The following CDH4 variants were observed in gnomAD, a reference collection of about 807,000 sequenced individuals.
CDH4 encodes cadherin-4.
In CDH4, 33 loss-of-function variants were observed where a neutral mutation model predicts 86.0. The ratio of observed to expected loss-of-function variants is 0.38; its 90% CI spans 0.29 to 0.51. The LOEUF (loss-of-function observed/expected upper bound fraction) is 0.51, where lower values mean the gene tolerates loss of function less well. CDH4 is among the 20% of genes least tolerant of loss of function. The pLI, the probability that CDH4 is intolerant of heterozygous loss-of-function variation, is 0.86. For synonymous variants in CDH4, 555 were observed against 549.4 expected (o/e 1.01, Z -0.14); for missense variants, 1,114 against 1,307.4 (o/e 0.85, Z 2.28).
chr20:61,685,626 T>C (rs2087565346), intron 2 of CDH4, among the ~76,000 whole-genome samples: 1 of 152,230 alleles, frequency 6.6e-6, no homozygotes, highest in Non-Finnish European at 1.5e-5. Context: ...GCCTGGTCAC[T>C]CAGCCTCTGT....
intron 2 of CDH4, among the ~76,000 whole-genome samples, chr20:61,620,763 T>G (rs151016148): frequency 8.2e-4 from 125 of 152,350 alleles, no homozygotes; most frequent in Middle Eastern, 6.8e-3. Context: ...TTTGTTTACT[T>G]GTTTGCAGAG....
chr20:61,564,738 C>T (rs1429257300), intron 2 of CDH4, among the ~76,000 whole-genome samples: 1 of 152,210 alleles, frequency 6.6e-6, no homozygotes, highest in East Asian at 1.9e-4. Flanking sequence ...TAACCCCACC[C>T]TGCAATTCCA....
intron 2 of CDH4, among the ~76,000 whole-genome samples, chr20:61,443,838 G>A (rs1243969831): frequency 6.6e-6 from 1 of 151,542 alleles, no homozygotes; most frequent in African/African-American, 2.4e-5. Context: ...CTGTCTCTGT[G>A]TGTGTGATTG....
In CDH4 at chr20:61,417,998, T is replaced by G. The variant is rs116232089; in HGVS notation, c.169+163061T>G. Among the ~76,000 whole-genome samples the G allele has an allele frequency of 3.3e-3, 504 of 152,198 alleles. 1 individual carries two copies. Among genetic ancestry groups the G allele is most frequent in the African/African-American group, 0.011 (468 of 41,534 alleles). The stretch of plus-strand genomic sequence containing the variant: ...GCATTCGAGGCACAGAGAAGCCACC[T>G]GCTTCCTTAGACAGATCACAAGCAG... On this transcript the variant is annotated intron_variant, in intron 2 of 15. Coordinates refer to ENST00000614565, the MANE Select transcript of CDH4 (RefSeq NM_001794.5). This position sits in a 1 kb window ranked among gnomAD's most constrained non-coding sequence, Gnocchi z 4.0.
intron 2 of CDH4, among the ~76,000 whole-genome samples, chr20:61,308,957 G>A (rs2084431367): frequency 6.6e-6 from 1 of 152,254 alleles, no homozygotes; most frequent in Non-Finnish European, 1.5e-5. Flanking sequence ...GGGAAGTCCA[G>A]CAGAGGTGCT....
intron 2 of CDH4, among the ~76,000 whole-genome samples, chr20:61,583,231 C>T (rs1438747319): frequency 1.4e-5 from 1 of 70,176 alleles, no homozygotes; most frequent in Non-Finnish European, 2.5e-5. Flanking sequence ...GACGGTTCTG[C>T]GGGGGGACAG....
At chr20:61,260,371 C>T (rs1183074354) in intron 2 of CDH4, among the ~76,000 whole-genome samples, 1 of 152,180 alleles carries the variant, frequency 6.6e-6, no homozygotes, top group Non-Finnish European at 1.5e-5. Flanking sequence ...ATGAAAGAAC[C>T]CTTAGATATA....
At chr20:61,409,117 G>A (rs1354444397) in intron 2 of CDH4, among the ~76,000 whole-genome samples, 1 of 152,244 alleles carries the variant, frequency 6.6e-6, no homozygotes, top group East Asian at 1.9e-4. Context: ...CAGATGCCAA[G>A]GCTGCACCGG....
chr20:61,889,157 A>G (rs74574957), intron 7 of CDH4, among the ~76,000 whole-genome samples: 1,927 of 151,976 alleles, frequency 0.013, 47 homozygotes, highest in African/African-American at 0.044. Context: ...TCCTTCCTCA[A>G]CCAGCTCCCC....
rs1331307539 is a variant in CDH4, at chr20:61,708,033, G to C, written c.170-35530G>C. Among the ~76,000 whole-genome samples the C allele has an allele frequency of 6.6e-6, 1 of 152,196 alleles. No homozygotes were observed. The highest frequency in any genetic ancestry group is 1.5e-5 in the Non-Finnish European group (1 of 68,024). The stretch of plus-strand genomic sequence containing the variant: ...TGGAGTTTGCATCCACCAGTGCTGA[G>C]GAGAGGAGGCAGCCCAGCTGGCTGT... On this transcript the variant is annotated intron_variant, in intron 2 of 15. Transcript: ENST00000614565. This position sits in a 1 kb window ranked among gnomAD's most constrained non-coding sequence, Gnocchi z 4.5.
At chr20:61,376,592 G>A (rs2084873829) in intron 2 of CDH4, among the ~76,000 whole-genome samples, 1 of 152,144 alleles carries the variant, frequency 6.6e-6, no homozygotes, top group South Asian at 2.1e-4. Flanking sequence ...CGGAGTTCAG[G>A]TCACCCATGG....
At chr20:61,753,798 A>G (rs1275525251) in intron 3 of CDH4, among the ~76,000 whole-genome samples, 1 of 152,260 alleles carries the variant, frequency 6.6e-6, no homozygotes, top group Non-Finnish European at 1.5e-5. Flanking sequence ...AGGCGGGTCC[A>G]GGCGCTGACC....
chr20:61,762,876 AC>A (rs552841183), intron 3 of CDH4, among the ~76,000 whole-genome samples: 35 of 152,346 alleles, frequency 2.3e-4, no homozygotes, highest in African/African-American at 7.9e-4. Context: ...GTGCACCCCA[AC>A]AAGCTGACAC....
At chr20:61,342,982 A>T (rs781613429) in intron 2 of CDH4, among the ~76,000 whole-genome samples, 12 of 152,372 alleles carry the variant, frequency 7.9e-5, no homozygotes, top group Non-Finnish European at 1.8e-4. Context: ...ATATGAATGG[A>T]TTTGAAATCG....
intron 2 of CDH4, among the ~76,000 whole-genome samples, chr20:61,653,504 T>C (rs1224129992): frequency 2.7e-5 from 3 of 112,638 alleles, no homozygotes; most frequent in Non-Finnish European, 3.9e-5. Context: ...CACTTCCCAG[T>C]AGGGGCGGCC....
At chr20:61,865,187 A>G (rs2146134982) in intron 6 of CDH4, among the ~76,000 whole-genome samples, 1 of 151,806 alleles carries the variant, frequency 6.6e-6, no homozygotes, top group Non-Finnish European at 1.5e-5. Flanking sequence ...GGAGGCAGTG[A>G]GCTGACTTCC....
intron 2 of CDH4, among the ~76,000 whole-genome samples, chr20:61,270,110 T>C (rs2084176259): frequency 6.6e-6 from 1 of 152,222 alleles, no homozygotes. Context: ...GCTTTAAAAA[T>C]TGAATAAATA....
intron 2 of CDH4, among the ~76,000 whole-genome samples, chr20:61,361,121 C>G (rs776381130): frequency 1.3e-5 from 2 of 152,174 alleles, no homozygotes; most frequent in Non-Finnish European, 2.9e-5. Context: ...GTGGAGACGA[C>G]TTGGCTGGGG....
intron 2 of CDH4, among the ~76,000 whole-genome samples, chr20:61,306,670 C>T (rs2084418990): frequency 6.6e-6 from 1 of 152,170 alleles, no homozygotes. Context: ...TTGTCATATA[C>T]ACAAAAGCAC....
Sources: gnomAD v4.1 joint callset for allele counts (sites outside exome capture counted in the v4.1 genomes callset) on GRCh38, gnomAD v4.1.1 for gene constraint, Gnocchi (gnomAD v3.1) non-coding constraint, MANE v1.5 for transcripts, NCBI Gene and HGNC (gene_info 2026-07-23, HGNC 2026-07-21) for gene names.